The following SLC4A10 variants were observed in gnomAD, a reference collection of about 807,000 sequenced individuals.
The protein encoded by SLC4A10 is solute carrier family 4 member 10.
In SLC4A10, 42 loss-of-function variants were observed where a neutral mutation model predicts 137.7. The ratio of observed to expected loss-of-function variants is 0.30; its 90% confidence interval spans 0.24 to 0.39. The LOEUF (loss-of-function observed/expected upper bound fraction) is 0.39, where lower values mean the gene tolerates loss of function less well. SLC4A10 is among the 10% of genes least tolerant of loss of function. The pLI is 1.00. For missense variants in SLC4A10, 925 were observed against 1,355.0 expected (o/e 0.68, Z 4.98); for synonymous variants, 474 against 464.1 (o/e 1.02, Z -0.27).
intron 4 of SLC4A10, among the ~76,000 whole-genome samples, chr2:161,848,197 T>G (rs535357998): frequency 2.6e-5 from 4 of 152,306 alleles, no homozygotes; most frequent in Admixed American, 2.6e-4. Flanking sequence ...AAGTGTCTGT[T>G]AATATCTTTT....
At chr2:161,786,717 T>C (rs993886100) in intron 2 of SLC4A10, among the ~76,000 whole-genome samples, 2 of 151,722 alleles carry the variant, frequency 1.3e-5, no homozygotes, top group African/African-American at 2.4e-5. Context: ...AGTAGTGTAA[T>C]TGCTTTTTAG....
chr2:161,869,093 C>G (rs542197848), intron 6 of SLC4A10, among the ~76,000 whole-genome samples: 1 of 151,626 alleles, frequency 6.6e-6, no homozygotes, highest in South Asian at 2.1e-4. Flanking sequence ...TATATGAGTG[C>G]TAAATCCTAA....
Position 161,958,514 on chromosome 2 carries a change from G to A in SLC4A10, c.2821G>A (p.Val941Met), listed in dbSNP as rs1559627796. 1 of 1,611,384 alleles carries A rather than the reference G, an allele frequency of 6.2e-7. No individual in the cohort carries two copies. Among genetic ancestry groups the A allele is most frequent in the Non-Finnish European group, 8.5e-7 (1 of 1,178,576 alleles). Residue 941 changes from valine to methionine, a missense_variant, in exon 21 of 27, where the codon GTG becomes ATG. By Grantham distance (21) the Val-to-Met change is conservative. Around this residue, in one of 11 missense-constraint regions of SLC4A10, gnomAD observed 115 missense variants for 237.5 expected, o/e 0.48. Coordinates refer to ENST00000446997, the MANE Select transcript of SLC4A10 (RefSeq NM_001178015.2). ...TATTCCCATGCCAGTGCTATATGGAGTGTTTCTTTATATGGGTGCTTCATC... is the reference window on the plus strand; with the variant it reads ...TATTCCCATGCCAGTGCTATATGGAATGTTTCTTTATATGGGTGCTTCATC... ...KFIPMPVLYGVFLYMGASSLK... is the reference protein window; with the variant it reads ...KFIPMPVLYGMFLYMGASSLK...
chr2:161,881,475 CAATCTCTAAAG>C (rs2061776671), intron 9 of SLC4A10, among the ~76,000 whole-genome samples: 1 of 151,972 alleles, frequency 6.6e-6, no homozygotes, highest in Non-Finnish European at 1.5e-5. Flanking sequence ...AAAACATGTA[CAATCTCTAAAG>C]ATTACAACTA....
intron 1 of SLC4A10, among the ~76,000 whole-genome samples, chr2:161,767,133 ATATATATGTG>A (rs1236242438): frequency 2.1e-4 from 19 of 90,220 alleles, no homozygotes; most frequent in African/African-American, 8.8e-4. Context: ...ATATATATAT[ATATATATGTG>A]TGTGTGTGTG....
intron 1 of SLC4A10, among the ~76,000 whole-genome samples, chr2:161,739,271 ACT>A (rs2047645053): frequency 6.6e-6 from 1 of 151,932 alleles, no homozygotes; most frequent in South Asian, 2.1e-4. Context: ...TAGTGGGAAC[ACT>A]CTTTTAATCC....
At chr2:161,692,258 T>C (rs2042076826) in intron 1 of SLC4A10, among the ~76,000 whole-genome samples, 1 of 152,072 alleles carries the variant, frequency 6.6e-6, no homozygotes, top group Admixed American at 6.6e-5. Flanking sequence ...AAAATTTTTA[T>C]GTAGATATAT....
intron 1 of SLC4A10, among the ~76,000 whole-genome samples, chr2:161,767,282 T>G (rs2125399745): frequency 6.8e-6 from 1 of 146,456 alleles, no homozygotes; most frequent in South Asian, 2.2e-4. Context: ...ACATGAGCAT[T>G]TTTAAACTTT....
At chr2:161,781,439 G>A (rs977342795) in intron 2 of SLC4A10, among the ~76,000 whole-genome samples, 3 of 151,918 alleles carry the variant, frequency 2.0e-5, no homozygotes, top group Admixed American at 6.6e-5. Flanking sequence ...TATAAAAACT[G>A]TATTTTGCTT....
intron 11 of SLC4A10, among the ~76,000 whole-genome samples, chr2:161,900,112 T>G (rs994334247): frequency 6.6e-6 from 1 of 152,098 alleles, no homozygotes; most frequent in Admixed American, 6.6e-5. Context: ...CACATTGGTG[T>G]GCTCTAAGAT....
intron 1 of SLC4A10, among the ~76,000 whole-genome samples, chr2:161,707,667 C>A (rs183615672): frequency 5.9e-4 from 89 of 151,408 alleles, no homozygotes; most frequent in African/African-American, 1.8e-3. Flanking sequence ...CAGTGAAAAT[C>A]CATAGTAAAA....
chr2:161,911,468 C>T (rs752124098), intron 15 of SLC4A10, among the ~76,000 whole-genome samples: 11 of 152,024 alleles, frequency 7.2e-5, no homozygotes, highest in Admixed American at 2.0e-4. Flanking sequence ...AGTAATCATA[C>T]TGCATAAACC....
At chr2:161,923,799 A>G (rs887447651) in intron 15 of SLC4A10, among the ~76,000 whole-genome samples, 1 of 152,096 alleles carries the variant, frequency 6.6e-6, no homozygotes, top group Non-Finnish European at 1.5e-5. Context: ...CATTGTGCAC[A>G]TGTACCCTAA....
chr2:161,745,573 T>G (rs1372617196), intron 1 of SLC4A10, among the ~76,000 whole-genome samples: 1 of 152,140 alleles, frequency 6.6e-6, no homozygotes, highest in East Asian at 1.9e-4. Context: ...TGGTGCCTTC[T>G]TTTGTTCTCT....
intron 18 of SLC4A10, among the ~76,000 whole-genome samples, chr2:161,949,532 T>C (rs1694418223): frequency 6.6e-6 from 1 of 152,028 alleles, no homozygotes; most frequent in African/African-American, 2.4e-5. Flanking sequence ...ATAACATTCT[T>C]AAAAGATAAG....
At chr2:161,695,880 C>T (rs1259550564) in intron 1 of SLC4A10, among the ~76,000 whole-genome samples, 1 of 151,986 alleles carries the variant, frequency 6.6e-6, no homozygotes, top group Non-Finnish European at 1.5e-5. Flanking sequence ...CCATGGCTAC[C>T]TGACAATTAT....
intron 19 of SLC4A10, among the ~76,000 whole-genome samples, chr2:161,955,288 A>G (rs906204218): frequency 6.6e-6 from 1 of 152,200 alleles, no homozygotes; most frequent in Non-Finnish European, 1.5e-5. Context: ...AATGTTTTGC[A>G]AAAGGGCCAA....
At chr2:161,709,010 G>A (rs1238201708) in intron 1 of SLC4A10, among the ~76,000 whole-genome samples, 1 of 151,556 alleles carries the variant, frequency 6.6e-6, no homozygotes, top group Non-Finnish European at 1.5e-5. Flanking sequence ...GTGTGTGTAT[G>A]TGTGTGCCTG....
intron 3 of SLC4A10, among the ~76,000 whole-genome samples, chr2:161,811,822 C>A (rs557616160): frequency 2.6e-3 from 399 of 151,848 alleles, no homozygotes; most frequent in African/African-American, 9.1e-3. Context: ...TTTTCTATTC[C>A]CTCTCACCAC....
Sources: allele counts gnomAD v4.1 joint callset (sites outside exome capture counted in the v4.1 genomes callset), GRCh38; gene constraint gnomAD v4.1.1; regional missense constraint gnomAD v4.1.1; transcripts MANE v1.5; gene names NCBI Gene and HGNC (gene_info 2026-07-23, HGNC 2026-07-21).